PTPRG: variants seen among roughly 807,000 people sequenced by gnomAD.
The protein encoded by PTPRG is receptor-type tyrosine-protein phosphatase gamma.
PTPRG carries 102 observed loss-of-function variants against 165.3 expected under a neutral mutation model. That is an observed-to-expected ratio of 0.62 (90% confidence interval 0.53 to 0.73). The LOEUF (loss-of-function observed/expected upper bound fraction) is 0.73, where lower values mean the gene tolerates loss of function less well. Ranked by LOEUF, PTPRG falls within the 30% of genes least tolerant of loss-of-function variation. PTPRG has a pLI of 0.00. For synonymous variants in PTPRG, 675 were observed against 669.5 expected, an observed-to-expected ratio of 1.01 and a Z score of -0.13; for missense variants, 1,866 against 1,861.4, an observed-to-expected ratio of 1.00 and a Z score of -0.05.
At chr3:61,852,123 A>G (rs530501682) in intron 2 of PTPRG, among the ~76,000 whole-genome samples, 1 of 152,134 alleles carries the variant, frequency 6.6e-6, no homozygotes, top group Admixed American at 6.5e-5. Flanking sequence ...AGTTTAATAA[A>G]CCCATTTTTG....
In PTPRG at chr3:62,214,219, C is replaced by T. The variant is rs142165875; in HGVS notation, c.2156-4632C>T. Among the ~76,000 whole-genome samples the T allele has an allele frequency of 8.2e-4, 125 of 152,296 alleles. 3 individuals are homozygous for T. The highest frequency in any genetic ancestry group is 2.8e-4 in the Non-Finnish European group (19 of 68,022). On this transcript the variant is annotated intron_variant, in intron 12 of 29. Transcript: ENST00000474889. The surrounding 1 kb of genome is among the most constrained non-coding windows in gnomAD (Gnocchi z 5.2). ...AGAGGAGTCAGATTCAGCAAACACC[C>T]GGTGAGTGCTCACCATCTCCTGCTG...
intron 1 of PTPRG, chr3:61,739,071 C>G (rs1199755876): frequency 1.5e-5 from 2 of 137,022 alleles, no homozygotes; most frequent in Non-Finnish European, 3.1e-5. Flanking sequence ...GCTCTCCTCC[C>G]TGGTTGGCCT....
At position 62,275,909 on chromosome 3, in the gene PTPRG, T is replaced by C; in HGVS notation, c.3502T>C (p.Phe1168Leu). The C allele has an allele frequency of 6.2e-7, 1 of 1,612,096 alleles. No homozygotes were observed. The highest frequency in any genetic ancestry group is 8.5e-7 in the Non-Finnish European group (1 of 1,178,760). ...TQCNAKYVEC[F>L]SAQKECNKEK... ...GTGTAATGCAAAATATGTGGAATGT[T>C]TCAGTGCTCAGAAAGAGTGTAACAA... Residue 1168 changes from phenylalanine (F) to leucine (L), a missense_variant, in exon 24 of 30, where the codon TTC becomes CTC. By Grantham distance (22) the Phe-to-Leu change is conservative. Around this residue, in one of 3 missense-constraint regions of PTPRG, gnomAD observed 1,452 missense variants for 1,463.0 expected, o/e 0.99. Coordinates refer to ENST00000474889, the MANE Select transcript of PTPRG (RefSeq NM_002841.4).
At chr3:62,023,358 TA>T (rs2041741634) in intron 4 of PTPRG, among the ~76,000 whole-genome samples, 2 of 152,188 alleles carry the variant, frequency 1.3e-5, no homozygotes, top group African/African-American at 4.8e-5. Flanking sequence ...AACTCTTCAT[TA>T]GCAGTGTTAC....
intron 6 of PTPRG, among the ~76,000 whole-genome samples, chr3:62,136,990 T>C (rs768091818): frequency 2.0e-5 from 3 of 152,170 alleles, no homozygotes; most frequent in Non-Finnish European, 2.9e-5. Context: ...TACATGTTCA[T>C]TTGTCTAGGC....
intron 2 of PTPRG, among the ~76,000 whole-genome samples, chr3:61,754,217 A>G (rs998454856): frequency 9.9e-5 from 15 of 152,218 alleles, no homozygotes; most frequent in African/African-American, 3.6e-4. Context: ...TGCCATAGCC[A>G]GGGGCCATCC....
chr3:62,289,289 A>C (rs1702784218), intron 28 of PTPRG, among the ~76,000 whole-genome samples: 1 of 152,246 alleles, frequency 6.6e-6, no homozygotes, highest in Non-Finnish European at 1.5e-5. Flanking sequence ...AACATGGCAC[A>C]TGAAGTACAA....
intron 14 of PTPRG, among the ~76,000 whole-genome samples, chr3:62,241,321 A>G (rs1485874565): frequency 6.6e-6 from 1 of 152,134 alleles, no homozygotes; most frequent in South Asian, 2.1e-4. Context: ...TCTTTATTCT[A>G]CGGGAAGACA....
intron 2 of PTPRG, among the ~76,000 whole-genome samples, chr3:61,955,136 T>A (rs1195024993): frequency 6.6e-6 from 1 of 152,262 alleles, no homozygotes; most frequent in Non-Finnish European, 1.5e-5. Context: ...AATTACTGAC[T>A]GCTTTGGATC....
intron 5 of PTPRG, among the ~76,000 whole-genome samples, chr3:62,132,375 C>T (rs1296641970): frequency 6.6e-6 from 1 of 152,160 alleles, no homozygotes; most frequent in African/African-American, 2.4e-5. Context: ...TATTTCTCTC[C>T]TGTTACAATG....
chr3:62,026,879 T>TAAA (rs200417191), intron 4 of PTPRG, among the ~76,000 whole-genome samples: 29 of 94,652 alleles, frequency 3.1e-4, no homozygotes, highest in South Asian at 6.8e-4. Context: ...GAGTGAGAAT[T>TAAA]AAAAAAAAAA....
At chr3:62,181,650 A>G (rs1705655173) in intron 8 of PTPRG, among the ~76,000 whole-genome samples, 1 of 152,046 alleles carries the variant, frequency 6.6e-6, no homozygotes, top group Admixed American at 6.5e-5. Context: ...GGTGCCATGG[A>G]CTCCTTTAGC....
chr3:61,875,851 G>A (rs976537028), intron 2 of PTPRG, among the ~76,000 whole-genome samples: 13 of 152,062 alleles, frequency 8.5e-5, no homozygotes, highest in African/African-American at 2.9e-4. Context: ...GCTGCACTCC[G>A]TTTCATTTTT....
chr3:61,641,886 T>G (rs1449960106), intron 1 of PTPRG, among the ~76,000 whole-genome samples: 1 of 152,162 alleles, frequency 6.6e-6, no homozygotes, highest in Non-Finnish European at 1.5e-5. Context: ...GCATTTATAT[T>G]TAATGGCCTG....
chr3:61,760,492 AT>A (rs1479744260), intron 2 of PTPRG, among the ~76,000 whole-genome samples: 1 of 152,106 alleles, frequency 6.6e-6, no homozygotes, highest in Non-Finnish European at 1.5e-5. Flanking sequence ...TTGTTAAATG[AT>A]TTAAGTTTCA....
chr3:61,848,306 C>T (rs1174113319), intron 2 of PTPRG, among the ~76,000 whole-genome samples: 1 of 152,198 alleles, frequency 6.6e-6, no homozygotes, highest in African/African-American at 2.4e-5. Flanking sequence ...GAAGTCACAG[C>T]CTTGCTGCAG....
rs555317433 is a variant in PTPRG at position 61,813,956 on chromosome 3, C to T, written c.190+64974C>T. ...CACCACCCAGGCTGGAGTGCAGTGG[C>T]GCAATCTTGTCTTGGCTCACTGCAA... On this transcript the variant is annotated intron_variant, in intron 2 of 29. Transcript: ENST00000474889. Among the ~76,000 whole-genome samples the T allele has an allele frequency of 8.9e-5, 13 of 145,384 alleles. No individual in the cohort carries two copies. The East Asian group carries it at 2.3e-3, about 26-fold the overall frequency.
At position 62,240,108 on chromosome 3, in the gene PTPRG, A is replaced by C. The variant is rs1701124330; in HGVS notation, c.2376-3699A>C. Among the ~76,000 whole-genome samples the C allele has an allele frequency of 6.6e-6, 1 of 152,350 alleles. No individual in the cohort carries two copies. The highest frequency in any genetic ancestry group is 2.1e-4 in the South Asian group (1 of 4,826). ...GCCTCCATGAAATGGAAGATTAAGC[A>C]AACATTAATAAAGAGGATGCCAGTC... On this transcript the variant is annotated intron_variant, in intron 14 of 29. Coordinates refer to ENST00000474889, the MANE Select transcript of PTPRG (RefSeq NM_002841.4). The surrounding 1 kb of genome is among the most constrained non-coding windows in gnomAD (Gnocchi z 5.1).
At chr3:61,646,991 G>GAAA (rs1702217776) in intron 1 of PTPRG, among the ~76,000 whole-genome samples, 1 of 152,180 alleles carries the variant, frequency 6.6e-6, no homozygotes, top group Non-Finnish European at 1.5e-5. Context: ...GTGGCAGTTT[G>GAAA]TTTATCCGTT....
Sources: allele counts gnomAD v4.1 joint callset (sites outside exome capture counted in the v4.1 genomes callset), GRCh38; gene constraint gnomAD v4.1.1; regional missense constraint gnomAD v4.1.1; non-coding constraint Gnocchi (gnomAD v3.1); transcripts MANE v1.5; gene names NCBI Gene and HGNC (gene_info 2026-07-23, HGNC 2026-07-21).